The following ZNF266 variants were observed in gnomAD, a reference collection of about 807,000 sequenced individuals.
The protein encoded by ZNF266 is zinc finger protein 266.
Under a neutral mutation model 16.4 loss-of-function variants are expected in ZNF266, and 16 were observed. That is an observed-to-expected ratio of 0.98 (90% CI 0.66 to 1.48). The LOEUF is 1.48. ZNF266 is among the 40% of genes most tolerant of loss of function. The pLI is 0.00. For missense variants in ZNF266, 738 were observed against 689.1 expected, an observed-to-expected ratio of 1.07 and a Z score of -0.79; for synonymous variants, 262 against 237.9, an observed-to-expected ratio of 1.10 and a Z score of -0.93.
Position 9,414,086 on chromosome 19 carries a change from G to A in ZNF266, c.1040C>T (p.Ser347Phe), listed in dbSNP as rs780109780. 6.2e-6 allele frequency: 10 copies of A among 1,613,382 alleles called. No individual in the cohort carries two copies. In the East Asian group the frequency reaches 1.1e-4, roughly 18 times the overall value. ...CKDCGRAFTV[S>F]SCLSQHMKIH... ...TTTCATATGTTGACTTAAGCAAGAG[G>A]AAACAGTGAAGGCTCTCCCACAATC... Residue 347 changes from serine (S) to phenylalanine (F), a missense_variant, in exon 11 of 11, where the codon TCC becomes TTC. By Grantham distance (155) the Ser-to-Phe change is radical (BLOSUM62 -2). Transcript: ENST00000592904.
chr19:9,420,547 A>C (rs759333671), intron 5 of ZNF266: 3 of 152,246 alleles, frequency 2.0e-5, no homozygotes, highest in Non-Finnish European at 4.4e-5. Flanking sequence ...TGAGGTCAGG[A>C]GTTCAAGACC....
chr19:9,419,973 T>C (rs746879044), intron 6 of ZNF266, 92 bp downstream of exon 6: 18 of 151,196 alleles, frequency 1.2e-4, no homozygotes, highest in Non-Finnish European at 2.1e-4. Flanking sequence ...AGCTGCAGCG[T>C]GAATGATCAG....
At chr19:9,419,062 G>T in intron 7 of ZNF266, 155 bp downstream of exon 7, 1 of 157,028 alleles carries the variant, frequency 6.4e-6, no homozygotes, top group Non-Finnish European at 1.4e-5. Context: ...AATATGACAG[G>T]CTCCACTCCT....
At chr19:9,425,887 C>A (rs1037677732) in intron 5 of ZNF266, among the ~76,000 whole-genome samples, 1 of 152,122 alleles carries the variant, frequency 6.6e-6, no homozygotes, top group Non-Finnish European at 1.5e-5. Flanking sequence ...TCTGGCATAA[C>A]GGGCTTGCTA....
At position 9,413,004 on chromosome 19, in the gene ZNF266, T is replaced by C. The variant is rs1028968350; in HGVS notation, c.*271A>G. 1.5e-5 allele frequency: 7 copies of C among 471,044 alleles called. No homozygotes were observed. Among genetic ancestry groups the C allele is most frequent in the African/African-American group, 1.2e-4 (6 of 51,208 alleles). 29.2% of individuals were successfully genotyped at this position (471,044 alleles called of 1,614,324 possible). A position where few individuals can be genotyped will look rare whatever the true frequency, so the allele number is the denominator to read the frequency against. On this transcript the variant is annotated 3_prime_UTR_variant, in exon 11 of 11. Coordinates refer to ENST00000592904, the MANE Select transcript of ZNF266 (RefSeq NM_001370374.1). ...TGAGTTCACATACACACATTAAGGT[T>C]TGTGGGATTCAGAAAGGTATTCCCA...
At position 9,414,526 on chromosome 19, in the gene ZNF266, C is replaced by T. The variant is rs770184516; in HGVS notation, c.600G>A (p.Gln200=). ...STGEQRSVFS[Q]CGKAFSLNPD... ...GGTTCAGGCTGAAGGCTTTTCCACA[C>T]TGACTAAATACAGAACGTTGCTCTC... The change falls in exon 11 of 11, where the codon CAG becomes CAA. Residue 200 remains glutamine, a synonymous_variant. Coordinates refer to ENST00000592904, the MANE Select transcript of ZNF266 (RefSeq NM_001370374.1). 196 of 1,614,060 alleles carry T rather than the reference C, an allele frequency of 1.2e-4. No homozygotes were observed. Among genetic ancestry groups the T allele is most frequent in the Non-Finnish European group, 1.6e-4 (190 of 1,179,996 alleles).
Position 9,416,805 on chromosome 19 carries a change from G to A in ZNF266, c.316+1023C>T, listed in dbSNP as rs147611101. Among the ~76,000 whole-genome samples the A allele has an allele frequency of 3.0e-3, 455 of 149,456 alleles. 1 individual carries two copies. The highest frequency in any genetic ancestry group is 0.01 in the African/African-American group (425 of 40,628). On this transcript the variant is annotated intron_variant, in intron 9 of 10. Transcript: ENST00000592904. Reference sequence around the variant, plus strand: ...TCCTGCCTCAGCCTCCCTAGTAGCTGGGACTACAGGAGTGCGCCACCACGC... The same window carrying A: ...TCCTGCCTCAGCCTCCCTAGTAGCTAGGACTACAGGAGTGCGCCACCACGC...
intron 5 of ZNF266, among the ~76,000 whole-genome samples, chr19:9,423,229 A>T (rs1260865982): frequency 6.6e-6 from 1 of 152,142 alleles, no homozygotes; most frequent in Non-Finnish European, 1.5e-5. Flanking sequence ...TGAGCATCCA[A>T]TACAGCACCA....
At chr19:9,424,219 G>C (rs1467114302) in intron 5 of ZNF266, among the ~76,000 whole-genome samples, 1 of 64,718 alleles carries the variant, frequency 1.5e-5, no homozygotes, top group East Asian at 3.5e-4. Flanking sequence ...AAACCAAGAG[G>C]CAAAAAAAAA....
chr19:9,427,604 G>C (rs1222705592), intron 5 of ZNF266, among the ~76,000 whole-genome samples: 1 of 152,110 alleles, frequency 6.6e-6, no homozygotes, highest in Non-Finnish European at 1.5e-5. Flanking sequence ...TGGGATTACA[G>C]GTGTGAGCCA....
intron 5 of ZNF266, among the ~76,000 whole-genome samples, chr19:9,421,971 C>T (rs1234999369): frequency 6.6e-6 from 1 of 152,192 alleles, no homozygotes; most frequent in African/African-American, 2.4e-5. Flanking sequence ...CTGCCTCAGC[C>T]TCCCGAGTAG....
Position 9,414,013 on chromosome 19 carries a change from G to A in ZNF266, c.1113C>T (p.Ala371=), listed in dbSNP as rs1450845102. ...CAGTAAGTTGAGAAGATCTAGTGAA[G>A]GCTATCCCACATTCCTTGCATTCAT... ...KPYECKECGI[A]FTRSSQLTEH... is the part of the protein sequence containing the mutation. Residue 371 remains alanine, a synonymous_variant, in exon 11 of 11, where the codon GCC becomes GCT. Transcript: ENST00000592904. 1.9e-6 allele frequency: 3 copies of A among 1,614,006 alleles called. No homozygotes were observed. Among genetic ancestry groups the A allele is most frequent in the Non-Finnish European group, 2.5e-6 (3 of 1,180,024 alleles).
rs1352678882 is a variant in ZNF266, at chr19:9,414,654, A to G, written c.472T>C (p.Ser158Pro). The change falls in exon 11 of 11, where the codon TCA (serine) becomes CCA (proline). Residue 158 changes from serine (S) to proline (P), a missense_variant. Ser to Pro is a moderately conservative substitution (Grantham distance 74). Transcript: ENST00000592904. Reference sequence around the variant, plus strand: ...GTTCTCACATGTGTCTTAAGGCATGAGTGTTCACTGGAGACATCTCCACAT... The same window carrying G: ...GTTCTCACATGTGTCTTAAGGCATGGGTGTTCACTGGAGACATCTCCACAT... ...KQCGDVSSEH[S>P]CLKTHVRTQN... The G allele has an allele frequency of 2.5e-6, 4 of 1,602,452 alleles. No individual in the cohort carries two copies. The highest frequency in any genetic ancestry group is 3.4e-6 in the Non-Finnish European group (4 of 1,170,278).
At chr19:9,432,962 T>C (rs560232019) in intron 5 of ZNF266, among the ~76,000 whole-genome samples, 1 of 152,342 alleles carries the variant, frequency 6.6e-6, no homozygotes, top group Admixed American at 6.5e-5. Context: ...TTTGTATTCA[T>C]TCATTCATTC....
chr19:9,428,333 C>T (rs2071075390), intron 5 of ZNF266, among the ~76,000 whole-genome samples: 1 of 152,224 alleles, frequency 6.6e-6, no homozygotes, highest in African/African-American at 2.4e-5. Context: ...TCTAATCCAC[C>T]CGCAGAAGGC....
rs1414535877 is a variant in ZNF266, at chr19:9,418,486, G to C, written c.235+19C>G. ...TAATCTGTTCCATAGTAGGCTACAA[G>C]GGATGAGGCCAGTCTTACCTACTGT... On this transcript the variant is annotated intron_variant, in intron 8 of 10. Transcript: ENST00000592904. The C allele has an allele frequency of 1.2e-6, 2 of 1,613,448 alleles. No individual in the cohort carries two copies. Among genetic ancestry groups the C allele is most frequent in the Admixed American group, 1.7e-5 (1 of 60,026 alleles).
At chr19:9,432,170 G>A (rs544965794) in intron 5 of ZNF266, among the ~76,000 whole-genome samples, 1 of 152,158 alleles carries the variant, frequency 6.6e-6, no homozygotes, top group South Asian at 2.1e-4. Flanking sequence ...TGTTGGCCAG[G>A]CTGGCCTTCA....
At chr19:9,431,019 C>T (rs933327604) in intron 5 of ZNF266, among the ~76,000 whole-genome samples, 5 of 152,130 alleles carry the variant, frequency 3.3e-5, no homozygotes, top group Admixed American at 3.3e-4. Context: ...CTTTTCTGTA[C>T]CTAACCCACC....
rs182659446 is a variant in ZNF266, at chr19:9,426,256, C to T, written c.-129-6038G>A. Among the ~76,000 whole-genome samples the T allele has an allele frequency of 1.0e-3, 154 of 152,042 alleles. 1 individual carries two copies. The highest frequency in any genetic ancestry group is 3.5e-3 in the African/African-American group (146 of 41,488). On this transcript the variant is annotated intron_variant, in intron 5 of 10. Transcript: ENST00000592904. ...AGGACCCGGGGCCACTCGGGACCACCGGGAGCTTGTCAGGTAAACAAAGGA... is the reference window on the plus strand; with the variant it reads ...AGGACCCGGGGCCACTCGGGACCACTGGGAGCTTGTCAGGTAAACAAAGGA...
Sources: allele counts gnomAD v4.1 joint callset (sites outside exome capture counted in the v4.1 genomes callset), GRCh38; gene constraint gnomAD v4.1.1; transcripts MANE v1.5; gene names NCBI Gene and HGNC (gene_info 2026-07-23, HGNC 2026-07-21).